The following NR2F6 variants were observed in gnomAD, a reference collection of about 807,000 sequenced individuals.
NR2F6 encodes nuclear receptor subfamily 2 group F member 6, also known as ERBA-related gene-2.
Under a neutral mutation model 26.5 loss-of-function variants are expected in NR2F6, and 16 were observed. That is an observed-to-expected ratio of 0.60 (90% CI 0.41 to 0.92). The LOEUF (loss-of-function observed/expected upper bound fraction) is 0.92, where lower values mean the gene tolerates loss of function less well. Among genes scored for constraint, NR2F6 ranks in the 40% least tolerant of loss-of-function variants. The probability of loss-of-function intolerance (pLI) is 0.00; values close to 1 mark genes in which losing one functional copy is unlikely to be tolerated. For missense variants in NR2F6, 536 were observed against 631.7 expected (o/e 0.85, Z 1.62); for synonymous variants, 325 against 305.0 (o/e 1.07, Z -0.68).
intron 3 of NR2F6, among the ~76,000 whole-genome samples, chr19:17,233,885 G>T (rs1242942722): frequency 6.6e-6 from 1 of 152,122 alleles, no homozygotes; most frequent in Non-Finnish European, 1.5e-5. Flanking sequence ...CGGTGTGAGA[G>T]AATGTGGCAG....
In NR2F6 at chr19:17,235,613, C is replaced by A. The variant is rs1243637297; in HGVS notation, c.826G>T (p.Val276Leu). The A allele has an allele frequency of 6.4e-7, 1 of 1,556,246 alleles. No individual in the cohort carries two copies. Among genetic ancestry groups the A allele is most frequent in the Non-Finnish European group, 8.6e-7 (1 of 1,159,890 alleles). The change falls in exon 3 of 4, where the codon GTG (valine) becomes TTG (leucine). Residue 276 changes from valine to leucine, a missense_variant. By Grantham distance (32) the Val-to-Leu change is conservative. Transcript: ENST00000291442. The surrounding 1 kb of genome is among the most constrained non-coding windows in gnomAD (Gnocchi z 5.0). Reference sequence around the variant, plus strand: ...GCGCGCACCTGGTCCATGAAAGCCACGGCGCGCTCGGCGGCCATAGGCGCG... The same window carrying A: ...GCGCGCACCTGGTCCATGAAAGCCAAGGCGCGCTCGGCGGCCATAGGCGCG... ...HAAPMAAERA[V>L]AFMDQVRAFQ...
intron 1 of NR2F6, among the ~76,000 whole-genome samples, chr19:17,243,753 T>TTC (rs2073481188): frequency 6.6e-6 from 1 of 152,126 alleles, no homozygotes; most frequent in Non-Finnish European, 1.5e-5. Flanking sequence ...CCAACAAGCC[T>TTC]TCCATCAGCC....
At chr19:17,241,066 G>A (rs2073466713) in intron 1 of NR2F6, among the ~76,000 whole-genome samples, 1 of 152,196 alleles carries the variant, frequency 6.6e-6, no homozygotes, top group African/African-American at 2.4e-5. Context: ...ATGGCGGGGT[G>A]ATCCCAGAGA....
At position 17,245,190 on chromosome 19, in the gene NR2F6, G is replaced by A. The variant is rs2073491638; in HGVS notation, c.31C>T (p.Pro11Ser). 2.2e-6 allele frequency: 3 copies of A among 1,382,446 alleles called. No individual in the cohort carries two copies. Among genetic ancestry groups the A allele is most frequent in the Non-Finnish European group, 2.8e-6 (3 of 1,065,656 alleles). 85.6% of individuals were successfully genotyped at this position (1,382,446 alleles called of 1,614,324 possible). Residue 11 changes from proline (P) to serine (S), a missense_variant, in exon 1 of 4, where the codon CCC becomes TCC. Coordinates refer to ENST00000291442, the MANE Select transcript of NR2F6 (RefSeq NM_005234.4). The surrounding 1 kb of genome is among the most constrained non-coding windows in gnomAD (Gnocchi z 5.0). MAMVTGGWGG[P>S]GGDTNGVDKA... The stretch of plus-strand genomic sequence containing the variant: ...TCCACGCCGTTCGTGTCGCCGCCGG[G>A]GCCGCCCCAGCCGCCGGTCACCATG...
At chr19:17,236,462 G>A (rs1234382898) in intron 2 of NR2F6, among the ~76,000 whole-genome samples, 2 of 151,934 alleles carry the variant, frequency 1.3e-5, no homozygotes, top group African/African-American at 4.8e-5. Context: ...AAGAGTCCAG[G>A]AGTCCCTGTC....
Position 17,232,538 on chromosome 19 carries a change from G to A in NR2F6, c.1029C>T (p.Tyr343=), listed in dbSNP as rs1220794287. ...GCCCGAAGCGCTGGGGCTGGGACGG[G>A]TACTGCGCCCGCACATACTCGGTGA... ...VALTEYVRAQ[Y]PSQPQRFGRL... The change falls in exon 4 of 4, where the codon TAC becomes TAT. Residue 343 remains tyrosine (Y), a synonymous_variant. Transcript: ENST00000291442. 1.2e-6 allele frequency: 2 copies of A among 1,608,290 alleles called. No individual in the cohort carries two copies. Among genetic ancestry groups the A allele is most frequent in the Admixed American group, 1.7e-5 (1 of 59,346 alleles).
intron 1 of NR2F6, chr19:17,244,500 G>A (rs1229784962): frequency 6.2e-6 from 1 of 162,004 alleles, no homozygotes; most frequent in Non-Finnish European, 1.3e-5. Flanking sequence ...CGATCCGCGC[G>A]GCCGCAGACA....
intron 1 of NR2F6, 105 bp downstream of exon 1, chr19:17,244,838 G>A: frequency 3.7e-6 from 5 of 1,367,932 alleles, no homozygotes; most frequent in Non-Finnish European, 4.9e-6. Context: ...GGGCAGTGGA[G>A]GCCCAGGGAA....
In NR2F6 at chr19:17,245,680, C is replaced by A. The variant is rs2145571140; in HGVS notation, c.-460G>T. The A allele has an allele frequency of 6.9e-6, 1 of 145,636 alleles. No individual in the cohort carries two copies. Among genetic ancestry groups the A allele is most frequent in the South Asian group, 2.1e-4 (1 of 4,768 alleles). The allele number at this position is 145,636 out of a possible 1,614,324, so 9.0% of individuals were successfully genotyped here. ...TTTGGCCGCAAGTTGCGCGGCCGCC[C>A]GTGGCGGGGGGGGAGGGGCGGCGGG... On this transcript the variant is annotated 5_prime_UTR_variant, in exon 1 of 4. Coordinates refer to ENST00000291442, the MANE Select transcript of NR2F6 (RefSeq NM_005234.4). The surrounding 1 kb of genome is among the most constrained non-coding windows in gnomAD (Gnocchi z 5.0).
intron 3 of NR2F6, 111 bp from the exon 4 acceptor site, chr19:17,232,737 G>C (rs2073415037): frequency 1.5e-6 from 2 of 1,306,754 alleles, no homozygotes; most frequent in Admixed American, 2.8e-5. Context: ...AGGGGGCCGG[G>C]CATGATGGCT....
rs758864042 is a variant in NR2F6 at position 17,235,622 on chromosome 19, C to T, written c.817G>A (p.Glu273Lys). ...AGLHAAPMAA[E>K]RAVAFMDQVR... Reference sequence around the variant, plus strand: ...TGGTCCATGAAAGCCACGGCGCGCTCGGCGGCCATAGGCGCGGCGTGGAGG... The same window carrying T: ...TGGTCCATGAAAGCCACGGCGCGCTTGGCGGCCATAGGCGCGGCGTGGAGG... The change falls in exon 3 of 4, where the codon GAG (glutamate) becomes AAG (lysine). Residue 273 changes from glutamate (E) to lysine (K), a missense_variant. By Grantham distance (56) the Glu-to-Lys change is moderately conservative. Transcript: ENST00000291442. This position sits in a 1 kb window ranked among gnomAD's most constrained non-coding sequence, Gnocchi z 5.0. 1.3e-6 allele frequency: 2 copies of T among 1,551,200 alleles called. No homozygotes were observed. The highest frequency in any genetic ancestry group is 1.4e-5 in the African/African-American group (1 of 72,210).
chr19:17,245,403 T>A lies in NR2F6; in HGVS notation c.-183A>T. On this transcript the variant is annotated 5_prime_UTR_variant, in exon 1 of 4. Transcript: ENST00000291442. This position sits in a 1 kb window ranked among gnomAD's most constrained non-coding sequence, Gnocchi z 5.0. ...GGTCCTCGCGCCCGGGCGGAACTGG[T>A]CGGGCCGGTTCCAGGCCAACTTTCC... 1 of 396,152 alleles carries A rather than the reference T, an allele frequency of 2.5e-6. No individual in the cohort carries two copies. The highest frequency in any genetic ancestry group is 3.9e-6 in the Non-Finnish European group (1 of 254,924). The allele number at this position is 396,152 out of a possible 1,614,324, so 24.5% of individuals were successfully genotyped here.
rs189813230 is a variant in NR2F6 at position 17,237,972 on chromosome 19, T to C, written c.374-1907A>G. On this transcript the variant is annotated intron_variant, in intron 2 of 3. Transcript: ENST00000291442. ...CTGGGCAACATAGCGAGACCCCGTC[T>C]CTACAAAAAATTAAGAAATTAGCCC... 5.1e-3 allele frequency among the ~76,000 whole-genome samples: 782 copies of C among 152,182 alleles called. 7 individuals are homozygous for C. Among genetic ancestry groups the C allele is most frequent in the Non-Finnish European group, 8.3e-3 (561 of 67,988 alleles).
At chr19:17,233,912 C>T (rs1182058822) in intron 3 of NR2F6, among the ~76,000 whole-genome samples, 1 of 151,944 alleles carries the variant, frequency 6.6e-6, no homozygotes, top group Non-Finnish European at 1.5e-5. Flanking sequence ...GAGAGAGACC[C>T]AAGATAGGAA....
chr19:17,243,538 C>T (rs1051155037), intron 1 of NR2F6, among the ~76,000 whole-genome samples: 1 of 152,104 alleles, frequency 6.6e-6, no homozygotes, highest in East Asian at 1.9e-4. Context: ...CCTGAGCCCC[C>T]CTCCCTTACC....
chr19:17,245,690 G>C lies in NR2F6; in HGVS notation c.-470C>G, dbSNP rs1477440897. 1.4e-5 allele frequency: 2 copies of C among 146,234 alleles called. No individual in the cohort carries two copies. Among genetic ancestry groups the C allele is most frequent in the African/African-American group, 4.9e-5 (2 of 40,822 alleles). The allele number at this position is 146,234 out of a possible 1,614,324, so 9.1% of individuals were successfully genotyped here. On this transcript the variant is annotated 5_prime_UTR_variant, in exon 1 of 4. Coordinates refer to ENST00000291442, the MANE Select transcript of NR2F6 (RefSeq NM_005234.4). This position sits in a 1 kb window ranked among gnomAD's most constrained non-coding sequence, Gnocchi z 5.0. ...AGTTGCGCGGCCGCCCGTGGCGGGG[G>C]GGGAGGGGCGGCGGGTGCGCGCCGG...
chr19:17,232,512 C>T lies in NR2F6; in HGVS notation c.1055G>A (p.Arg352His), dbSNP rs915063993. 5.6e-6 allele frequency: 9 copies of T among 1,610,750 alleles called. No individual in the cohort carries two copies. Among genetic ancestry groups the T allele is most frequent in the East Asian group, 2.2e-5 (1 of 44,794 alleles). The change falls in exon 4 of 4, where the codon CGC (arginine) becomes CAC (histidine). Residue 352 changes from arginine to histidine, a missense_variant. By Grantham distance (29) the Arg-to-His change is conservative (BLOSUM62 0). Coordinates refer to ENST00000291442, the MANE Select transcript of NR2F6 (RefSeq NM_005234.4). Reference sequence around the variant, plus strand: ...CAGGGCGGGGAGCCGCAGCAGCAGGCGCCCGAAGCGCTGGGGCTGGGACGG... The same window carrying T: ...CAGGGCGGGGAGCCGCAGCAGCAGGTGCCCGAAGCGCTGGGGCTGGGACGG... ...QYPSQPQRFG[R>H]LLLRLPALRA...
rs915399663 is a variant in NR2F6 at position 17,234,428 on chromosome 19, C to T, written c.940+1071G>A. Among the ~76,000 whole-genome samples the T allele has an allele frequency of 7.2e-5, 11 of 152,148 alleles. No individual in the cohort carries two copies. In the East Asian group the frequency reaches 2.1e-3, roughly 29 times the overall value. ...TTACAGGCCTGAGCCACCTTGCAGG[C>T]CCAAAACCATATTTATCAAATGAAA... is the stretch of plus-strand genomic sequence containing the variant. On this transcript the variant is annotated intron_variant, in intron 3 of 3. Transcript: ENST00000291442.
chr19:17,232,624 C>T lies in NR2F6; in HGVS notation c.943G>A (p.Ala315Thr), dbSNP rs761684813. 5.2e-6 allele frequency: 8 copies of T among 1,530,974 alleles called. No homozygotes were observed. The highest frequency in any genetic ancestry group is 5.2e-6 in the Non-Finnish European group (6 of 1,143,176). The allele number at this position is 1,530,974 out of a possible 1,614,324, so 94.8% of individuals were successfully genotyped here. A position where few individuals can be genotyped will look rare whatever the true frequency, so the allele number is the denominator to read the frequency against. The change falls in exon 4 of 4, where the codon GCC becomes ACC. Residue 315 changes from alanine to threonine, a missense_variant and splice_region_variant. Transcript: ENST00000291442. ...TGGGCCGGGTCTGAGAGGCCACAGG[C>T]GTCTAGGGGGACAAAGGCAAGTCAG... ...LKAIALFTPD[A>T]CGLSDPAHVE...
Sources: allele counts gnomAD v4.1 joint callset (sites outside exome capture counted in the v4.1 genomes callset), GRCh38; gene constraint gnomAD v4.1.1; non-coding constraint Gnocchi (gnomAD v3.1); transcripts MANE v1.5; gene names NCBI Gene and HGNC (gene_info 2026-07-23, HGNC 2026-07-21).